The following LRRC4C variants were observed in gnomAD, a reference collection of about 807,000 sequenced individuals.
LRRC4C encodes the protein leucine rich repeat containing 4C, also known as leucine-rich repeat-containing protein 4C.
A neutral mutation model predicts 33.6 loss-of-function variants in LRRC4C; 5 were observed. The ratio of observed to expected loss-of-function variants is 0.15; its 90% CI spans 0.08 to 0.31. LRRC4C has a LOEUF of 0.31. Among genes scored for constraint, LRRC4C ranks in the 10% least tolerant of loss-of-function variants. The probability of loss-of-function intolerance (pLI) is 1.00; values close to 1 mark genes in which losing one functional copy is unlikely to be tolerated. For missense variants in LRRC4C, 560 were observed against 796.7 expected (o/e 0.70, Z 3.58); for synonymous variants, 329 against 302.0 (o/e 1.09, Z -0.93).
chr11:40,504,708 C>A (rs1775557636), intron 3 of LRRC4C, among the ~76,000 whole-genome samples: 1 of 152,148 alleles, frequency 6.6e-6, no homozygotes, highest in Admixed American at 6.6e-5. Flanking sequence ...TAATTTCATA[C>A]AGTTTTTTAT....
At chr11:40,306,101 T>C (rs1448584144) in intron 4 of LRRC4C, among the ~76,000 whole-genome samples, 2 of 152,218 alleles carry the variant, frequency 1.3e-5, no homozygotes, top group Non-Finnish European at 2.9e-5. Context: ...CCAGACTGCC[T>C]GACTAGAGTT....
At position 40,854,357 on chromosome 11, in the gene LRRC4C, G is replaced by A. The variant is rs117759391; in HGVS notation, c.-407+79278C>T. On this transcript the variant is annotated intron_variant, in intron 2 of 6. Transcript: ENST00000528697. ...TGCTGCCCTGTTTTAAAAGAGAAGG[G>A]CCAGAAGTGTAGATGAGAGCTTCAT... Among the ~76,000 whole-genome samples, 716 of 152,270 alleles carry A rather than the reference G, an allele frequency of 4.7e-3. 3 individuals are homozygous for A. The highest frequency in any genetic ancestry group is 6.6e-3 in the Non-Finnish European group (451 of 68,024).
At chr11:40,167,331 T>G (rs1184759381) in intron 5 of LRRC4C, among the ~76,000 whole-genome samples, 2 of 152,176 alleles carry the variant, frequency 1.3e-5, no homozygotes, top group Non-Finnish European at 2.9e-5. Flanking sequence ...GAAAATATTG[T>G]TCATTTGCAT....
At chr11:40,618,989 A>G (rs113572944) in intron 3 of LRRC4C, among the ~76,000 whole-genome samples, 8,524 of 151,752 alleles carry the variant, frequency 0.056, 318 homozygotes, top group Non-Finnish European at 0.081. Flanking sequence ...TAGTATCTCT[A>G]TTAGATCACT....
At chr11:40,228,489 A>T (rs1864970902) in intron 5 of LRRC4C, among the ~76,000 whole-genome samples, 1 of 152,232 alleles carries the variant, frequency 6.6e-6, no homozygotes, top group African/African-American at 2.4e-5. Context: ...GAAACAGGTA[A>T]TAAACTTTCC....
At chr11:41,218,139 C>CAAAAAA (rs57736277) in intron 1 of LRRC4C, among the ~76,000 whole-genome samples, 2 of 142,724 alleles carry the variant, frequency 1.4e-5, no homozygotes, top group Non-Finnish European at 3.1e-5. Flanking sequence ...TCAAGGTCAC[C>CAAAAAA]AAAAAAAAAA....
intron 1 of LRRC4C, among the ~76,000 whole-genome samples, chr11:41,188,292 T>A (rs1359127747): frequency 6.6e-6 from 1 of 152,186 alleles, no homozygotes; most frequent in East Asian, 1.9e-4. Context: ...CAACATATTC[T>A]TATTTTTTAG....
intron 2 of LRRC4C, among the ~76,000 whole-genome samples, chr11:40,726,019 T>G (rs1010103717): frequency 2.6e-5 from 4 of 151,966 alleles, no homozygotes; most frequent in African/African-American, 9.7e-5. Context: ...AACTTCTATA[T>G]CCACACAAAC....
At chr11:40,940,714 T>A (rs1445276377) in intron 1 of LRRC4C, among the ~76,000 whole-genome samples, 1 of 152,156 alleles carries the variant, frequency 6.6e-6, no homozygotes, top group Non-Finnish European at 1.5e-5. Context: ...GTGCTTTTCA[T>A]ATTAAACAGA....
Position 40,765,540 on chromosome 11 carries a change from AAAT to A in LRRC4C, c.-406-117265_-406-117263del, listed in dbSNP as rs531931654. On this transcript the variant is annotated intron_variant, in intron 2 of 6. Transcript: ENST00000528697. ...TGTTACCTTTCAGGCAGATAATTCA[AAAT>A]AGCTGTTTTAAAGGAGCATAATGAA... Among the ~76,000 whole-genome samples the A allele has an allele frequency of 6.0e-4, 92 of 152,330 alleles. 1 individual carries two copies. The highest frequency in any genetic ancestry group is 2.2e-3 in the African/African-American group (92 of 41,586).
chr11:40,609,970 ATAAT>A (rs1468147107), intron 3 of LRRC4C, among the ~76,000 whole-genome samples: 2 of 152,014 alleles, frequency 1.3e-5, no homozygotes, highest in African/African-American at 4.8e-5. Flanking sequence ...CATTTAAAAA[ATAAT>A]TAATGCCAAC....
At chr11:41,281,074 C>CTCTCTCTT (rs1448458068) in intron 1 of LRRC4C, among the ~76,000 whole-genome samples, 1 of 133,972 alleles carries the variant, frequency 7.5e-6, no homozygotes, top group Non-Finnish European at 1.6e-5. Context: ...CTCTCTCTCT[C>CTCTCTCTT]TGTCCTCTCT....
chr11:41,457,001 G>C (rs1190820204), intron 1 of LRRC4C, among the ~76,000 whole-genome samples: 4 of 152,100 alleles, frequency 2.6e-5, no homozygotes, highest in East Asian at 1.9e-4. Context: ...TCTATTACTA[G>C]CCTAAAATAA....
chr11:40,562,938 T>G (rs1957608616), intron 3 of LRRC4C, among the ~76,000 whole-genome samples: 2 of 152,094 alleles, frequency 1.3e-5, no homozygotes, highest in South Asian at 4.1e-4. Context: ...CCTTTCCTTT[T>G]TTTTTTTCTT....
intron 3 of LRRC4C, among the ~76,000 whole-genome samples, chr11:40,429,351 G>C (rs1403967747): frequency 1.3e-5 from 2 of 152,176 alleles, no homozygotes; most frequent in Non-Finnish European, 2.9e-5. Context: ...TAGGATTACA[G>C]GCTTGAGCCA....
chr11:40,229,683 A>G (rs1428519948), intron 5 of LRRC4C, among the ~76,000 whole-genome samples: 4 of 152,166 alleles, frequency 2.6e-5, no homozygotes, highest in East Asian at 3.8e-4. Flanking sequence ...TCTTCTTCCA[A>G]TATATTTTCC....
intron 1 of LRRC4C, among the ~76,000 whole-genome samples, chr11:41,292,176 G>A (rs989383678): frequency 6.6e-6 from 1 of 152,094 alleles, no homozygotes; most frequent in Admixed American, 6.5e-5. Context: ...ACTGATGTGA[G>A]GAACAGCTAT....
At chr11:40,641,995 A>G (rs555859726) in intron 3 of LRRC4C, among the ~76,000 whole-genome samples, 3 of 149,426 alleles carry the variant, frequency 2.0e-5, no homozygotes, top group Admixed American at 6.7e-5. Context: ...AAGGACAGCC[A>G]TGTCAAATCT....
chr11:41,246,330 A>G (rs1323391736), intron 1 of LRRC4C, among the ~76,000 whole-genome samples: 1 of 152,164 alleles, frequency 6.6e-6, no homozygotes, highest in Non-Finnish European at 1.5e-5. Flanking sequence ...GGGTCATGAC[A>G]GCGCCTGGGC....
Sources: allele counts gnomAD v4.1 joint callset (sites outside exome capture counted in the v4.1 genomes callset), GRCh38; gene constraint gnomAD v4.1.1; transcripts MANE v1.5; gene names NCBI Gene and HGNC (gene_info 2026-07-23, HGNC 2026-07-21).